The following KIT variants were observed in gnomAD, a reference collection of about 807,000 sequenced individuals.
The protein encoded by KIT is mast/stem cell growth factor receptor Kit.
In KIT, 16 loss-of-function variants were observed where a neutral mutation model predicts 105.7. The ratio of observed to expected loss-of-function variants is 0.15; its 90% CI spans 0.10 to 0.23. KIT has a LOEUF of 0.23. Among genes scored for constraint, KIT ranks in the 10% least tolerant of loss-of-function variants. KIT has a pLI of 1.00. For missense variants in KIT, 858 were observed against 1,213.8 expected (o/e 0.71, Z 4.36); for synonymous variants, 438 against 441.1 (o/e 0.99, Z 0.09).
At chr4:54,687,979 T>C (rs1237751740) in intron 1 of KIT, among the ~76,000 whole-genome samples, 3 of 152,210 alleles carry the variant, frequency 2.0e-5, no homozygotes, top group Non-Finnish European at 4.4e-5. Context: ...GGTAAGACTT[T>C]AATGACGACG....
At chr4:54,721,835 G>C (rs1577986065) in intron 7 of KIT, among the ~76,000 whole-genome samples, 1 of 152,068 alleles carries the variant, frequency 6.6e-6, no homozygotes, top group Non-Finnish European at 1.5e-5. Flanking sequence ...TGCGCATTGG[G>C]TTAAAATATA....
chr4:54,671,095 G>A (rs1718078133), intron 1 of KIT, among the ~76,000 whole-genome samples: 1 of 152,208 alleles, frequency 6.6e-6, no homozygotes, highest in African/African-American at 2.4e-5. Flanking sequence ...TGAGGTGCCA[G>A]CAGAGAGGTG....
intron 8 of KIT, among the ~76,000 whole-genome samples, chr4:54,725,225 C>T (rs1053657315): frequency 4.6e-5 from 7 of 152,148 alleles, no homozygotes; most frequent in African/African-American, 1.7e-4. Context: ...CTGCCTCAGC[C>T]TCCCGAGTAG....
intron 9 of KIT, 104 bp from the exon 10 acceptor site, chr4:54,727,114 C>T (rs1348391159): frequency 2.2e-6 from 2 of 895,784 alleles, no homozygotes; most frequent in Non-Finnish European, 3.8e-6. Context: ...TGCATCCTGC[C>T]ATGGGCTGTG....
In KIT at chr4:54,678,328, C is replaced by T. The variant is rs1020019477; in HGVS notation, c.68-17184C>T. Reference sequence around the variant, plus strand: ...TCCTTCCTTCCTTCCTTCCTTCCTTCCTTCCTTCCTTCCTTCCTTCCTTCC... The same window carrying T: ...TCCTTCCTTCCTTCCTTCCTTCCTTTCTTCCTTCCTTCCTTCCTTCCTTCC... On this transcript the variant is annotated intron_variant, in intron 1 of 20. Coordinates refer to ENST00000288135, the MANE Select transcript of KIT (RefSeq NM_000222.3). Among the ~76,000 whole-genome samples, 68 of 100,590 alleles carry T rather than the reference C, an allele frequency of 6.8e-4. 1 individual carries two copies. Among genetic ancestry groups the T allele is most frequent in the African/African-American group, 2.9e-3 (68 of 23,448 alleles). 66.0% of individuals were successfully genotyped at this position (100,590 alleles called of 152,430 possible). A position where few individuals can be genotyped will look rare whatever the true frequency, so the allele number is the denominator to read the frequency against.
intron 14 of KIT, 138 bp downstream of exon 14, chr4:54,729,623 A>G (rs1297862290): frequency 3.6e-6 from 3 of 834,656 alleles, no homozygotes; most frequent in Non-Finnish European, 5.8e-6. Context: ...AATCATTTAA[A>G]TGTGATTAAC....
chr4:54,737,832 CA>C (rs1369227463), intron 20 of KIT, among the ~76,000 whole-genome samples: 1 of 152,302 alleles, frequency 6.6e-6, no homozygotes, highest in East Asian at 1.9e-4. Context: ...AATGAAAACT[CA>C]AATCCATTAT....
intron 17 of KIT, 194 bp downstream of exon 17, chr4:54,733,386 G>A (rs1456867693): frequency 9.1e-6 from 5 of 546,780 alleles, no homozygotes; most frequent in Non-Finnish European, 1.7e-5. Context: ...TTCAATAATA[G>A]AAGTCCTAAT....
chr4:54,726,363 A>G (rs1314088467), intron 9 of KIT, among the ~76,000 whole-genome samples: 1 of 152,236 alleles, frequency 6.6e-6, no homozygotes, highest in Non-Finnish European at 1.5e-5. Flanking sequence ...CTTACACCCA[A>G]ACAGAATTAG....
intron 1 of KIT, among the ~76,000 whole-genome samples, chr4:54,672,394 T>G (rs566900548): frequency 2.4e-4 from 37 of 152,158 alleles, no homozygotes; most frequent in Non-Finnish European, 4.4e-4. Flanking sequence ...TTGTGAAGAT[T>G]CATATTTTTT....
At chr4:54,686,992 A>C (rs1719351874) in intron 1 of KIT, among the ~76,000 whole-genome samples, 1 of 152,226 alleles carries the variant, frequency 6.6e-6, no homozygotes, top group African/African-American at 2.4e-5. Flanking sequence ...TAAAGATTGG[A>C]GGTACCACTG....
intron 1 of KIT, among the ~76,000 whole-genome samples, chr4:54,675,883 G>C (rs1718428460): frequency 1.3e-5 from 2 of 152,282 alleles, no homozygotes; most frequent in South Asian, 4.1e-4. Flanking sequence ...TGCAGAAGTT[G>C]TATTTGCCAC....
At chr4:54,659,449 AG>A (rs1022782075) in intron 1 of KIT, among the ~76,000 whole-genome samples, 10 of 152,330 alleles carry the variant, frequency 6.6e-5, no homozygotes, top group African/African-American at 2.2e-4. Context: ...AGTGAGTCTT[AG>A]CTGGAATCAA....
intron 7 of KIT, among the ~76,000 whole-genome samples, chr4:54,716,186 C>G (rs2109738237): frequency 6.6e-6 from 1 of 152,286 alleles, no homozygotes; most frequent in African/African-American, 2.4e-5. Context: ...GCGTGACTTC[C>G]TCTTATAGTA....
intron 1 of KIT, among the ~76,000 whole-genome samples, chr4:54,691,087 A>G (rs1276239256): frequency 6.6e-6 from 1 of 151,990 alleles, no homozygotes; most frequent in Non-Finnish European, 1.5e-5. Flanking sequence ...GACTTGATGA[A>G]GCCAAGCTTT....
In KIT at chr4:54,660,751, A is replaced by G. The variant is rs571085407; in HGVS notation, c.67+2670A>G. ...GGCTAAGGATAAGCCCTAAATCATCAGTGGTGAAGCCTGATGAGATTGGCT... is the reference window on the plus strand; with the variant it reads ...GGCTAAGGATAAGCCCTAAATCATCGGTGGTGAAGCCTGATGAGATTGGCT... On this transcript the variant is annotated intron_variant, in intron 1 of 20. Transcript: ENST00000288135. 2.6e-5 allele frequency among the ~76,000 whole-genome samples: 4 copies of G among 152,268 alleles called. No homozygotes were observed. In the South Asian group the frequency reaches 8.3e-4, roughly 32 times the overall value.
intron 14 of KIT, among the ~76,000 whole-genome samples, chr4:54,730,656 G>C (rs1216199551): frequency 6.6e-6 from 1 of 151,996 alleles, no homozygotes; most frequent in Non-Finnish European, 1.5e-5. Context: ...GGCCTAAATT[G>C]TTCAATCCTG....
At chr4:54,736,138 T>C (rs1356336506) in intron 17 of KIT, among the ~76,000 whole-genome samples, 1 of 152,174 alleles carries the variant, frequency 6.6e-6, no homozygotes, top group Non-Finnish European at 1.5e-5. Context: ...AGGCCGTGTT[T>C]CTGTTTTTAA....
chr4:54,659,585 G>T (rs1717090536), intron 1 of KIT, among the ~76,000 whole-genome samples: 1 of 152,152 alleles, frequency 6.6e-6, no homozygotes, highest in Non-Finnish European at 1.5e-5. Context: ...GGGCTTTCCT[G>T]TGGGGGGCAG....
Sources: allele counts gnomAD v4.1 joint callset (sites outside exome capture counted in the v4.1 genomes callset), GRCh38; gene constraint gnomAD v4.1.1; transcripts MANE v1.5; gene names NCBI Gene and HGNC (gene_info 2026-07-23, HGNC 2026-07-21).